Variants in DCDC1 observed in about 807,000 individuals in gnomAD.
The protein encoded by DCDC1 is doublecortin domain-containing protein 1.
DCDC1 carries 200 observed loss-of-function variants against 178.3 expected under a neutral mutation model. The ratio of observed to expected loss-of-function variants is 1.12; its 90% CI spans 1.00 to 1.26. The LOEUF is 1.26. DCDC1 is among the 50% of genes most tolerant of loss of function. The pLI is 0.00. For synonymous variants in DCDC1, 690 were observed against 604.8 expected (o/e 1.14, Z -2.07); for missense variants, 1,983 against 1,749.2 (o/e 1.13, Z -2.38).
chr11:30,912,326 C>T (rs570782046), intron 27 of DCDC1, among the ~76,000 whole-genome samples: 21 of 152,070 alleles, frequency 1.4e-4, no homozygotes, highest in Middle Eastern at 3.4e-3. Flanking sequence ...CTCTGTCACC[C>T]GGGTTGGAGT....
intron 34 of DCDC1, among the ~76,000 whole-genome samples, chr11:30,895,656 T>G (rs972560519): frequency 1.8e-4 from 27 of 152,150 alleles, no homozygotes; most frequent in Middle Eastern, 3.2e-3. Context: ...GCTTATTATG[T>G]CCCTAATAAG....
At chr11:31,232,532 T>C (rs939668010) in intron 9 of DCDC1, among the ~76,000 whole-genome samples, 2 of 152,292 alleles carry the variant, frequency 1.3e-5, no homozygotes, top group Middle Eastern at 3.4e-3. Context: ...AAAAATCACA[T>C]ATAACCTGCT....
chr11:30,878,504 T>C, intron 38 of DCDC1, 40 bp downstream of exon 38: 1 of 1,417,992 alleles, frequency 7.1e-7, no homozygotes, highest in South Asian at 1.5e-5. Context: ...TAAATAATCA[T>C]AATGTCATAA....
intron 14 of DCDC1, among the ~76,000 whole-genome samples, chr11:31,102,847 T>C (rs2135741711): frequency 6.6e-6 from 1 of 152,188 alleles, no homozygotes. Flanking sequence ...GAAAGTTTTA[T>C]TGGACGGCAC....
chr11:31,056,959 C>T (rs1276925363), intron 20 of DCDC1, among the ~76,000 whole-genome samples: 5 of 151,920 alleles, frequency 3.3e-5, no homozygotes, highest in African/African-American at 4.8e-5. Context: ...AGGCTGGGCA[C>T]GGTGGTGCAT....
At chr11:30,933,456 T>C (rs903829193) in intron 21 of DCDC1, among the ~76,000 whole-genome samples, 1 of 152,180 alleles carries the variant, frequency 6.6e-6, no homozygotes, top group African/African-American at 2.4e-5. Context: ...TATGTGTTAA[T>C]TACATTAATT....
chr11:31,257,099 G>A (rs1166789390), intron 8 of DCDC1, among the ~76,000 whole-genome samples: 1 of 152,158 alleles, frequency 6.6e-6, no homozygotes, highest in Non-Finnish European at 1.5e-5. Flanking sequence ...CTGTAGGCCA[G>A]CGCTTTCAAG....
chr11:31,033,209 A>T (rs1291508348), intron 20 of DCDC1, among the ~76,000 whole-genome samples: 2 of 152,230 alleles, frequency 1.3e-5, no homozygotes, highest in Non-Finnish European at 2.9e-5. Flanking sequence ...TTTCAAGTGT[A>T]GAGAGGAAGA....
At chr11:31,271,679 C>A (rs1042179107) in intron 7 of DCDC1, among the ~76,000 whole-genome samples, 8 of 152,164 alleles carry the variant, frequency 5.3e-5, no homozygotes, top group African/African-American at 1.9e-4. Flanking sequence ...AGTCCATTAT[C>A]ATGCTGCTGA....
intron 26 of DCDC1, among the ~76,000 whole-genome samples, chr11:30,916,343 T>C (rs1441438851): frequency 3.9e-5 from 6 of 152,214 alleles, no homozygotes; most frequent in Non-Finnish European, 8.8e-5. Context: ...TAGTGCTAAA[T>C]GTTGAAGTGT....
rs1476808406 is a variant in DCDC1 at position 30,906,477 on chromosome 11, A to G, written c.4104+63T>C. The G allele has an allele frequency of 2.0e-6, 3 of 1,503,226 alleles. No homozygotes were observed. The African/African-American group carries it at 4.2e-5, about 21-fold the overall frequency. 93.1% of individuals were successfully genotyped at this position (1,503,226 alleles called of 1,614,324 possible). A position where few individuals can be genotyped will look rare whatever the true frequency, so the allele number is the denominator to read the frequency against. Reference sequence around the variant, plus strand: ...GAACTTGAGTGCAAGGCAGATAATGAATGCATCAAAGTTTCCAAATTGTTG... The same window carrying G: ...GAACTTGAGTGCAAGGCAGATAATGGATGCATCAAAGTTTCCAAATTGTTG... On this transcript the variant is annotated intron_variant, in intron 30 of 38. Coordinates refer to ENST00000684477, the MANE Select transcript of DCDC1 (RefSeq NM_001387274.1).
At chr11:31,366,495 G>A (rs1228517456) in intron 1 of DCDC1, among the ~76,000 whole-genome samples, 1 of 152,132 alleles carries the variant, frequency 6.6e-6, no homozygotes, top group Non-Finnish European at 1.5e-5. Flanking sequence ...GTTGAGGGGC[G>A]GCAGTAAGTT....
chr11:31,096,420 C>A (rs1216453805), intron 15 of DCDC1, among the ~76,000 whole-genome samples: 2 of 152,178 alleles, frequency 1.3e-5, no homozygotes, highest in African/African-American at 2.4e-5. Flanking sequence ...ATTGTTTTGA[C>A]TGAAATTAGT....
intron 9 of DCDC1, among the ~76,000 whole-genome samples, chr11:31,148,466 T>C (rs901374744): frequency 7.4e-4 from 112 of 151,974 alleles, no homozygotes; most frequent in African/African-American, 2.5e-3. Flanking sequence ...ACTGTACCAC[T>C]GCACTCTAGC....
In DCDC1 at chr11:31,335,459, T is replaced by G. The variant is rs1453757271; in HGVS notation, c.-19A>C. The G allele has an allele frequency of 6.6e-6, 1 of 152,214 alleles. No homozygotes were observed. The highest frequency in any genetic ancestry group is 2.4e-5 in the African/African-American group (1 of 41,438). 9.4% of individuals were successfully genotyped at this position (152,214 alleles called of 1,614,324 possible). A position where few individuals can be genotyped will look rare whatever the true frequency, so the allele number is the denominator to read the frequency against. ...ATGAACCAGGTACCTTAGTTGGAAA[T>G]GCAGAAATCACCCATCTTCTACATT... is the stretch of plus-strand genomic sequence containing the variant. On this transcript the variant is annotated 5_prime_UTR_variant, in exon 2 of 39. Coordinates refer to ENST00000684477, the MANE Select transcript of DCDC1 (RefSeq NM_001387274.1).
intron 9 of DCDC1, among the ~76,000 whole-genome samples, chr11:31,153,784 A>AC: frequency 7.3e-6 from 1 of 137,864 alleles, no homozygotes; most frequent in Non-Finnish European, 1.5e-5. Context: ...CTCAGTCTTA[A>AC]AACACACACA....
chr11:31,005,553 T>C (rs780938293), intron 20 of DCDC1, among the ~76,000 whole-genome samples: 24 of 152,312 alleles, frequency 1.6e-4, no homozygotes, highest in Non-Finnish European at 3.1e-4. Flanking sequence ...CTACTATATA[T>C]GCAGAATGCT....
At chr11:30,929,426 T>C (rs1227197128) in intron 22 of DCDC1, among the ~76,000 whole-genome samples, 2 of 152,006 alleles carry the variant, frequency 1.3e-5, no homozygotes, top group South Asian at 4.1e-4. Flanking sequence ...TCATTCAGGG[T>C]CAACATCTAG....
At chr11:30,932,300 T>A (rs1384229796) in intron 21 of DCDC1, among the ~76,000 whole-genome samples, 6 of 152,154 alleles carry the variant, frequency 3.9e-5, no homozygotes, top group Admixed American at 1.3e-4. Flanking sequence ...GTGACAAAAG[T>A]GGTTTTAAAA....
Sources: allele counts gnomAD v4.1 joint callset (sites outside exome capture counted in the v4.1 genomes callset), GRCh38; gene constraint gnomAD v4.1.1; transcripts MANE v1.5; gene names NCBI Gene and HGNC (gene_info 2026-07-23, HGNC 2026-07-21).